The following SH3D19 variants were observed in gnomAD, a reference collection of about 807,000 sequenced individuals.
The protein encoded by SH3D19 is SH3 domain containing 19.
Under a neutral mutation model 112.1 loss-of-function variants are expected in SH3D19, and 58 were observed. The observed-to-expected ratio is 0.52, with a 90% CI of 0.42 to 0.64. SH3D19 has a LOEUF of 0.64. SH3D19 is among the 30% of genes least tolerant of loss of function. The pLI is 0.00. For synonymous variants in SH3D19, 391 were observed against 448.5 expected (o/e 0.87, Z 1.62); for missense variants, 1,090 against 1,263.4 (o/e 0.86, Z 2.08).
At chr4:151,279,914 C>T (rs771195894) in intron 1 of SH3D19, 4 of 1,613,640 alleles carry the variant, frequency 2.5e-6, no homozygotes, top group South Asian at 2.2e-5. Flanking sequence ...GAGGTTCCCT[C>T]GTCAGTGAGA....
In SH3D19 at chr4:151,137,807, C is replaced by G. The variant is rs766075839; in HGVS notation, c.2352G>C (p.Lys784Asn). 6 of 1,611,012 alleles carry G rather than the reference C, an allele frequency of 3.7e-6. No homozygotes were observed. In the East Asian group the frequency reaches 9.0e-5, roughly 24 times the overall value. Residue 784 changes from lysine (K) to asparagine (N), a missense_variant, in exon 14 of 20, where the codon AAG becomes AAC. Transcript: ENST00000604030. ...TSGEIVYLLE[K>N]IDTDWYRGNC... ...TCCCTCTGTACCAATCTGTATCTAT[C>G]TTCTCCAGAAGATAAACAATTTCTC... is the stretch of plus-strand genomic sequence containing the variant.
At chr4:151,211,160 C>T (rs1765905401) in intron 2 of SH3D19, among the ~76,000 whole-genome samples, 1 of 151,956 alleles carries the variant, frequency 6.6e-6, no homozygotes, top group African/African-American at 2.4e-5. Context: ...ATCCCAGCTA[C>T]TCGAGAGGCT....
intron 4 of SH3D19, among the ~76,000 whole-genome samples, chr4:151,179,072 A>G (rs1760408474): frequency 6.6e-6 from 1 of 152,218 alleles, no homozygotes; most frequent in South Asian, 2.1e-4. Flanking sequence ...CATTTCTCTG[A>G]AGCAGTTACA....
At chr4:151,192,955 T>C (rs1005989228) in intron 2 of SH3D19, among the ~76,000 whole-genome samples, 1 of 152,060 alleles carries the variant, frequency 6.6e-6, no homozygotes. Flanking sequence ...TCCTTTCCAA[T>C]TCTTCTTTTT....
chr4:151,168,503 C>T (rs530360887), intron 7 of SH3D19, among the ~76,000 whole-genome samples: 217 of 151,908 alleles, frequency 1.4e-3, no homozygotes, highest in Non-Finnish European at 2.3e-3. Flanking sequence ...GGTGCAATCA[C>T]GACTCATTGC....
intron 12 of SH3D19, among the ~76,000 whole-genome samples, chr4:151,141,514 AC>A (rs1752984741): frequency 6.6e-6 from 1 of 152,088 alleles, no homozygotes; most frequent in Non-Finnish European, 1.5e-5. Context: ...GCATGGTGAT[AC>A]ACCCCTGTGG....
intron 1 of SH3D19, among the ~76,000 whole-genome samples, chr4:151,228,689 T>C (rs904771032): frequency 1.3e-5 from 2 of 152,184 alleles, no homozygotes; most frequent in African/African-American, 4.8e-5. Flanking sequence ...GGATTCAGAA[T>C]CTGCTTTCTT....
intron 2 of SH3D19, among the ~76,000 whole-genome samples, chr4:151,191,934 C>T (rs986812200): frequency 5.1e-5 from 7 of 137,928 alleles, no homozygotes; most frequent in African/African-American, 2.0e-4. Context: ...CGTGAGCCAC[C>T]ACACCCAGCC....
In SH3D19 at chr4:151,175,128, G is replaced by A. The variant is rs1293249261; in HGVS notation, c.1076C>T (p.Thr359Ile). 1 of 1,614,114 alleles carries A rather than the reference G, an allele frequency of 6.2e-7. No homozygotes were observed. The highest frequency in any genetic ancestry group is 1.7e-5 in the Admixed American group (1 of 60,024). Residue 359 changes from threonine to isoleucine, a missense_variant, in exon 7 of 20, where the codon ACC (threonine) becomes ATC (isoleucine). By Grantham distance (89) the Thr-to-Ile change is moderately conservative. Coordinates refer to ENST00000604030, the MANE Select transcript of SH3D19 (RefSeq NM_001378122.1). ...GTATGGGGTGAGTCCTTCCTTGGAG[G>A]TCACCTTGAGTCTGTTCTCAGTCCC... ...DSGTENRLKV[T>I]SKEGLTPYPP...
At chr4:151,193,420 T>C (rs138968038) in intron 2 of SH3D19, among the ~76,000 whole-genome samples, 3 of 152,312 alleles carry the variant, frequency 2.0e-5, no homozygotes, top group Non-Finnish European at 4.4e-5. Flanking sequence ...TGGCAATAAA[T>C]ACTGTACTTT....
At chr4:151,233,794 A>C (rs1228285738) in intron 1 of SH3D19, among the ~76,000 whole-genome samples, 1 of 152,144 alleles carries the variant, frequency 6.6e-6, no homozygotes, top group Non-Finnish European at 1.5e-5. Context: ...CACTCACTTC[A>C]CACTAAGCAT....
chr4:151,291,599 C>A, intron 1 of SH3D19: 1 of 612,016 alleles, frequency 1.6e-6, no homozygotes, highest in Non-Finnish European at 2.9e-6. Flanking sequence ...ATTCTTTGTC[C>A]TTGACTAATG....
intron 1 of SH3D19, among the ~76,000 whole-genome samples, chr4:151,309,325 G>A (rs2126362280): frequency 6.6e-6 from 1 of 152,294 alleles, no homozygotes; most frequent in Non-Finnish European, 1.5e-5. Context: ...TGTTCTTTAT[G>A]TGGAGCCTAC....
Position 151,122,003 on chromosome 4 carries a change from T to TA in SH3D19, c.*87dup, listed in dbSNP as rs926794676. 43 of 707,498 alleles carry TA rather than the reference T, an allele frequency of 6.1e-5. No homozygotes were observed. Among genetic ancestry groups the TA allele is most frequent in the Middle Eastern group, 2.5e-4 (1 of 4,032 alleles). The allele number at this position is 707,498 out of a possible 1,614,324, so 43.8% of individuals were successfully genotyped here. On this transcript the variant is annotated 3_prime_UTR_variant, in exon 20 of 20. Coordinates refer to ENST00000604030, the MANE Select transcript of SH3D19 (RefSeq NM_001378122.1). ...ACAGCTTAGATATTTCTTTTTCAGT[T>TA]AAAAAAAATAGTGCAAAAACATATC...
intron 1 of SH3D19, among the ~76,000 whole-genome samples, chr4:151,287,701 A>G (rs1197347588): frequency 6.6e-6 from 1 of 152,100 alleles, no homozygotes; most frequent in African/African-American, 2.4e-5. Flanking sequence ...TCAAGACTAG[A>G]CTGGGCAACA....
At chr4:151,297,104 A>C (rs1212424321) in intron 1 of SH3D19, among the ~76,000 whole-genome samples, 2 of 152,238 alleles carry the variant, frequency 1.3e-5, no homozygotes, top group Non-Finnish European at 2.9e-5. Context: ...CAGGAAAAGG[A>C]GGAAGGGGAG....
intron 1 of SH3D19, among the ~76,000 whole-genome samples, chr4:151,250,607 T>C (rs1771291765): frequency 6.6e-6 from 1 of 152,160 alleles, no homozygotes; most frequent in Non-Finnish European, 1.5e-5. Context: ...TATTTTACCT[T>C]ATACATTTCT....
intron 1 of SH3D19, among the ~76,000 whole-genome samples, chr4:151,240,212 T>C (rs188366280): frequency 2.0e-5 from 3 of 149,634 alleles, no homozygotes; most frequent in African/African-American, 7.6e-5. Flanking sequence ...TGAGACCAGC[T>C]TGGGTAAGAT....
intron 1 of SH3D19, among the ~76,000 whole-genome samples, chr4:151,242,662 A>G (rs1050114512): frequency 2.6e-5 from 4 of 152,222 alleles, no homozygotes; most frequent in African/African-American, 9.6e-5. Flanking sequence ...GAAAAGGAGA[A>G]AGTATATTTA....
Sources: gnomAD v4.1 joint callset for allele counts (sites outside exome capture counted in the v4.1 genomes callset) on GRCh38, gnomAD v4.1.1 for gene constraint, MANE v1.5 for transcripts, NCBI Gene and HGNC (gene_info 2026-07-23, HGNC 2026-07-21) for gene names.